MAGI2: variants seen among roughly 807,000 people sequenced by gnomAD.
The protein encoded by MAGI2 is membrane-associated guanylate kinase, WW and PDZ domain-containing protein 2.
A neutral mutation model predicts 133.3 loss-of-function variants in MAGI2; 35 were observed. That is an observed-to-expected ratio of 0.26 (90% confidence interval 0.20 to 0.35). MAGI2 has a LOEUF of 0.35. MAGI2 is among the 10% of genes least tolerant of loss of function. MAGI2 has a pLI of 1.00. For synonymous variants in MAGI2, 729 were observed against 710.6 expected (o/e 1.03, Z -0.41); for missense variants, 1,636 against 1,863.4 (o/e 0.88, Z 2.25).
intron 2 of MAGI2, among the ~76,000 whole-genome samples, chr7:78,680,958 A>G (rs1467218841): frequency 6.6e-6 from 1 of 152,156 alleles, no homozygotes; most frequent in East Asian, 1.9e-4. Flanking sequence ...CCTTACACTG[A>G]CAAGTCATGG....
At chr7:78,669,600 C>T (rs321985) in intron 2 of MAGI2, among the ~76,000 whole-genome samples, 18,758 of 151,688 alleles carry the variant, frequency 0.12, 1,242 homozygotes, top group East Asian at 0.38. Flanking sequence ...ATACCAAAGC[C>T]GGGCAGAGAC....
At chr7:78,137,311 G>T (rs1397219981) in intron 16 of MAGI2, among the ~76,000 whole-genome samples, 1 of 152,092 alleles carries the variant, frequency 6.6e-6, no homozygotes, top group Non-Finnish European at 1.5e-5. Flanking sequence ...TCTGTTTTTC[G>T]ACAGTAAAAT....
At chr7:79,337,803 CAG>C (rs925137467) in intron 1 of MAGI2, among the ~76,000 whole-genome samples, 2 of 152,128 alleles carry the variant, frequency 1.3e-5, no homozygotes, top group Non-Finnish European at 2.9e-5. Context: ...AGACAGAACA[CAG>C]GGCTCCATCC....
chr7:78,460,280 A>C (rs1022160793), intron 6 of MAGI2, among the ~76,000 whole-genome samples: 2 of 152,386 alleles, frequency 1.3e-5, no homozygotes, highest in African/African-American at 4.8e-5. Flanking sequence ...TAACTTACGC[A>C]GGTCACACAT....
chr7:78,310,289 G>T (rs1346271040), intron 9 of MAGI2, among the ~76,000 whole-genome samples: 1 of 152,042 alleles, frequency 6.6e-6, no homozygotes, highest in Non-Finnish European at 1.5e-5. Flanking sequence ...ACAAAAATTA[G>T]CTGGGCATGG....
chr7:79,329,783 C>T (rs1839935174), intron 1 of MAGI2, among the ~76,000 whole-genome samples: 1 of 152,170 alleles, frequency 6.6e-6, no homozygotes, highest in Non-Finnish European at 1.5e-5. Flanking sequence ...TGGAGGAGCA[C>T]TATATCAAAT....
At chr7:78,085,359 A>G (rs866650856) in intron 20 of MAGI2, among the ~76,000 whole-genome samples, 56 of 152,006 alleles carry the variant, frequency 3.7e-4, no homozygotes, top group Middle Eastern at 3.4e-3. Context: ...CAAAACCCGC[A>G]TCTCTACAAA....
chr7:78,863,570 C>T (rs1192765247), intron 2 of MAGI2, among the ~76,000 whole-genome samples: 3 of 152,228 alleles, frequency 2.0e-5, no homozygotes, highest in East Asian at 3.8e-4. Context: ...CAAATGCCTG[C>T]CATTAGGCCC....
At chr7:78,224,064 G>A (rs1271921334) in intron 10 of MAGI2, among the ~76,000 whole-genome samples, 1 of 152,092 alleles carries the variant, frequency 6.6e-6, no homozygotes, top group African/African-American at 2.4e-5. Context: ...AAATGTTAGG[G>A]TAACGCTTTC....
At chr7:79,166,775 A>AT (rs937462927) in intron 1 of MAGI2, among the ~76,000 whole-genome samples, 3 of 151,570 alleles carry the variant, frequency 2.0e-5, no homozygotes, top group Admixed American at 6.6e-5. Flanking sequence ...AGTAAGACTA[A>AT]TTTTTTTTTC....
chr7:78,676,646 G>C (rs945983846), intron 2 of MAGI2, among the ~76,000 whole-genome samples: 4 of 151,872 alleles, frequency 2.6e-5, no homozygotes, highest in Admixed American at 1.3e-4. Context: ...GTCTGTATTT[G>C]TTACATTTTT....
intron 2 of MAGI2, among the ~76,000 whole-genome samples, chr7:78,916,809 G>A (rs1475180669): frequency 6.6e-6 from 1 of 152,150 alleles, no homozygotes; most frequent in Admixed American, 6.6e-5. Flanking sequence ...TTTTATGCCT[G>A]AGGGCTTATA....
At chr7:79,191,158 A>T (rs1827621539) in intron 1 of MAGI2, among the ~76,000 whole-genome samples, 1 of 151,376 alleles carries the variant, frequency 6.6e-6, no homozygotes, top group African/African-American at 2.4e-5. Context: ...AATTAGTTTG[A>T]TACTTCTAGT....
intron 1 of MAGI2, among the ~76,000 whole-genome samples, chr7:79,371,250 T>A (rs1052449293): frequency 2.0e-5 from 3 of 152,120 alleles, no homozygotes; most frequent in Non-Finnish European, 2.9e-5. Flanking sequence ...CATCTCAGAA[T>A]CTGCAATAAA....
chr7:78,263,905 A>G (rs73700715), intron 9 of MAGI2, among the ~76,000 whole-genome samples: 60 of 152,120 alleles, frequency 3.9e-4, no homozygotes, highest in African/African-American at 1.4e-3. Context: ...CATGCCCCCA[A>G]CACTATATTT....
At chr7:78,691,620 GTTTAGC>G in intron 2 of MAGI2, among the ~76,000 whole-genome samples, 1 of 152,272 alleles carries the variant, frequency 6.6e-6, no homozygotes, top group Non-Finnish European at 1.5e-5. Context: ...ACTGCAAGAA[GTTTAGC>G]TTGACCAAAA....
chr7:78,226,327 A>G (rs1314051330), intron 10 of MAGI2, among the ~76,000 whole-genome samples: 1 of 152,028 alleles, frequency 6.6e-6, no homozygotes, highest in African/African-American at 2.4e-5. Flanking sequence ...GTTTAAAAAA[A>G]AAAAAAAAAA....
chr7:78,822,341 G>A (rs1413805705), intron 2 of MAGI2, among the ~76,000 whole-genome samples: 1 of 151,978 alleles, frequency 6.6e-6, no homozygotes, highest in African/African-American at 2.4e-5. Flanking sequence ...TTTCAATTTT[G>A]TTAACTTTTA....
intron 6 of MAGI2, among the ~76,000 whole-genome samples, chr7:78,427,223 G>C (rs12532363): frequency 6.6e-6 from 1 of 151,794 alleles, no homozygotes; most frequent in African/African-American, 2.4e-5. Flanking sequence ...AACAAAATAA[G>C]AGATCTAATT....
Sources: gnomAD v4.1 joint callset for allele counts (sites outside exome capture counted in the v4.1 genomes callset) on GRCh38, gnomAD v4.1.1 for gene constraint, MANE v1.5 for transcripts, NCBI Gene and HGNC (gene_info 2026-07-23, HGNC 2026-07-21) for gene names.